Variants in SSX2IP observed in about 807,000 individuals in gnomAD.
The protein encoded by SSX2IP is SSX family member 2 interacting protein.
SSX2IP carries 55 observed loss-of-function variants against 84.9 expected under a neutral mutation model. The observed-to-expected ratio is 0.65, with a 90% CI of 0.52 to 0.81. The LOEUF (loss-of-function observed/expected upper bound fraction) is 0.81, where lower values mean the gene tolerates loss of function less well. Ranked by LOEUF, SSX2IP falls within the 30% of genes least tolerant of loss-of-function variation. The pLI, the probability that SSX2IP is intolerant of heterozygous loss-of-function variation, is 0.00. For missense variants in SSX2IP, 664 were observed against 705.2 expected (o/e 0.94, Z 0.66); for synonymous variants, 239 against 234.7 (o/e 1.02, Z -0.17).
intron 2 of SSX2IP, 62 bp downstream of exon 2, chr1:84,671,115 T>C: frequency 6.4e-7 from 1 of 1,565,286 alleles, no homozygotes; most frequent in Non-Finnish European, 8.7e-7. Context: ...ATTTTATATT[T>C]TCATTGAAAA....
At chr1:84,675,335 C>T (rs1262271256) in intron 1 of SSX2IP, among the ~76,000 whole-genome samples, 1 of 152,150 alleles carries the variant, frequency 6.6e-6, no homozygotes, top group Admixed American at 6.5e-5. Flanking sequence ...AGCAGTGATT[C>T]ATGTTTTAGT....
intron 3 of SSX2IP, 111 bp from the exon 4 acceptor site, chr1:84,670,004 A>C (rs1653331106): frequency 2.8e-6 from 2 of 715,850 alleles, no homozygotes; most frequent in Admixed American, 5.5e-5. Flanking sequence ...TCTATTGTAC[A>C]ACACGGTGAC....
chr1:84,654,081 A>T (rs766178624), intron 11 of SSX2IP, among the ~76,000 whole-genome samples: 4 of 152,126 alleles, frequency 2.6e-5, no homozygotes, highest in Middle Eastern at 3.4e-3. Flanking sequence ...CAACCTGTAG[A>T]TATATATTCA....
rs372545151 is a variant in SSX2IP, at chr1:84,671,273, A to G, written c.-54T>C. On this transcript the variant is annotated 5_prime_UTR_variant, in exon 2 of 14. Coordinates refer to ENST00000342203, the MANE Select transcript of SSX2IP (RefSeq NM_001166293.2). ...GAACTAGTTCAGCAGTTAAACATTT[A>G]GTCTAGCTGCTGTCACTCTTCTATG... 5.4e-5 allele frequency: 87 copies of G among 1,596,762 alleles called. No homozygotes were observed. In the African/African-American group the frequency reaches 9.8e-4, roughly 18 times the overall value.
intron 1 of SSX2IP, among the ~76,000 whole-genome samples, chr1:84,684,491 T>C (rs1379712979): frequency 6.6e-6 from 1 of 152,192 alleles, no homozygotes; most frequent in African/African-American, 2.4e-5. Context: ...AGGGAATGCC[T>C]GGCTAAGCAG....
At chr1:84,674,469 G>A (rs1654023623) in intron 1 of SSX2IP, among the ~76,000 whole-genome samples, 1 of 151,988 alleles carries the variant, frequency 6.6e-6, no homozygotes, top group African/African-American at 2.4e-5. Context: ...TCAACTGGTT[G>A]GGGGGAAAAA....
chr1:84,661,716 A>G (rs1156357334), intron 8 of SSX2IP, among the ~76,000 whole-genome samples: 1 of 152,204 alleles, frequency 6.6e-6, no homozygotes, highest in African/African-American at 2.4e-5. Context: ...TAGAGTACAT[A>G]ATACTAAAAC....
At chr1:84,681,180 A>T (rs181826800) in intron 1 of SSX2IP, among the ~76,000 whole-genome samples, 18 of 152,308 alleles carry the variant, frequency 1.2e-4, no homozygotes, top group Non-Finnish European at 2.1e-4. Context: ...GAAATGTGTA[A>T]ATCTTTCCAC....
chr1:84,659,236 G>A (rs1651565991), intron 8 of SSX2IP, among the ~76,000 whole-genome samples: 1 of 152,138 alleles, frequency 6.6e-6, no homozygotes, highest in African/African-American at 2.4e-5. Context: ...AAAGAAAGAA[G>A]GGCTGATTCG....
At chr1:84,673,228 G>GTAT (rs1653844440) in intron 1 of SSX2IP, among the ~76,000 whole-genome samples, 1 of 152,028 alleles carries the variant, frequency 6.6e-6, no homozygotes, top group South Asian at 2.1e-4. Context: ...ATATGAGAGA[G>GTAT]TATTAAGGTA....
At chr1:84,654,629 T>C (rs1285539499) in intron 11 of SSX2IP, among the ~76,000 whole-genome samples, 2 of 152,112 alleles carry the variant, frequency 1.3e-5, no homozygotes, top group African/African-American at 4.8e-5. Context: ...CAAAGGAAGC[T>C]ACAGAGAAAA....
intron 1 of SSX2IP, among the ~76,000 whole-genome samples, chr1:84,682,505 T>A (rs1655216405): frequency 7.1e-6 from 1 of 141,772 alleles, no homozygotes; most frequent in African/African-American, 2.6e-5. Flanking sequence ...TTGTCTTCAC[T>A]TTTTTTTTTT....
In SSX2IP at chr1:84,644,167, T is replaced by TAC. The variant is rs1355896457; in HGVS notation, c.*3264_*3265dup. ...TAGCAAACAATCATCTGTTACATAG[T>TAC]ACTTCACAAAGGAAATAATGCTAAG... On this transcript the variant is annotated 3_prime_UTR_variant, in exon 14 of 14. Coordinates refer to ENST00000342203, the MANE Select transcript of SSX2IP (RefSeq NM_001166293.2). The TAC allele has an allele frequency of 1.3e-5, 2 of 152,226 alleles. No homozygotes were observed. The highest frequency in any genetic ancestry group is 3.8e-4 in the East Asian group (2 of 5,198). 9.4% of individuals were successfully genotyped at this position (152,226 alleles called of 1,614,324 possible).
intron 1 of SSX2IP, among the ~76,000 whole-genome samples, chr1:84,679,518 T>G (rs1017088405): frequency 1.3e-4 from 20 of 152,158 alleles, no homozygotes; most frequent in Non-Finnish European, 2.5e-4. Flanking sequence ...CAATAGAGGA[T>G]TTATAGTTGG....
chr1:84,683,857 T>C (rs1655423143), intron 1 of SSX2IP, among the ~76,000 whole-genome samples: 2 of 152,326 alleles, frequency 1.3e-5, no homozygotes, highest in South Asian at 4.1e-4. Flanking sequence ...ACAAACAGTG[T>C]ATCAGTTTCA....
At chr1:84,658,533 A>G (rs1009050587) in intron 8 of SSX2IP, 65 bp from the exon 9 acceptor site, 1 of 1,503,612 alleles carries the variant, frequency 6.7e-7, no homozygotes, top group East Asian at 2.4e-5. Context: ...TGCTCAGGCA[A>G]GTAGTCTTCA....
intron 11 of SSX2IP, among the ~76,000 whole-genome samples, chr1:84,652,805 C>A (rs1288043494): frequency 6.6e-6 from 1 of 152,094 alleles, no homozygotes; most frequent in East Asian, 1.9e-4. Flanking sequence ...GCGGGTGGAT[C>A]ACGAGGTCAG....
chr1:84,645,226 CAGG>C lies in SSX2IP; in HGVS notation c.*2204_*2206del, dbSNP rs1160521149. ...TAGAAAGAGATGGGAAACAAAATCC[CAGG>C]AGTTTTGTGTGTGGAGTCCTGGGTT... On this transcript the variant is annotated 3_prime_UTR_variant, in exon 14 of 14. Coordinates refer to ENST00000342203, the MANE Select transcript of SSX2IP (RefSeq NM_001166293.2). 6.6e-6 allele frequency: 1 copy of C among 152,148 alleles called. No individual in the cohort carries two copies. Among genetic ancestry groups the C allele is most frequent in the East Asian group, 1.9e-4 (1 of 5,194 alleles). The allele number at this position is 152,148 out of a possible 1,614,324, so 9.4% of individuals were successfully genotyped here.
At chr1:84,688,150 C>CATA (rs1197001528) in intron 1 of SSX2IP, among the ~76,000 whole-genome samples, 1 of 152,212 alleles carries the variant, frequency 6.6e-6, no homozygotes, top group East Asian at 1.9e-4. Flanking sequence ...GCTGGTACTA[C>CATA]ATAAAACATT....
Sources: allele counts gnomAD v4.1 joint callset (sites outside exome capture counted in the v4.1 genomes callset), GRCh38; gene constraint gnomAD v4.1.1; transcripts MANE v1.5; gene names NCBI Gene and HGNC (gene_info 2026-07-23, HGNC 2026-07-21).